Variants in GRID2 observed in about 807,000 individuals in gnomAD.
GRID2 encodes glutamate receptor ionotropic, delta-2.
A neutral mutation model predicts 114.8 loss-of-function variants in GRID2; 33 were observed. The observed-to-expected ratio is 0.29, with a 90% confidence interval of 0.22 to 0.38. The LOEUF (loss-of-function observed/expected upper bound fraction) is 0.38. Among genes scored for constraint, GRID2 ranks in the 10% least tolerant of loss-of-function variants. The pLI, the probability that GRID2 is intolerant of heterozygous loss-of-function variation, is 1.00. For missense variants in GRID2, 1,184 were observed against 1,257.7 expected, an observed-to-expected ratio of 0.94 and a Z score of 0.89; for synonymous variants, 505 against 449.9, an observed-to-expected ratio of 1.12 and a Z score of -1.55.
chr4:92,931,558 G>GT (rs1750237248), intron 2 of GRID2, among the ~76,000 whole-genome samples: 1 of 150,370 alleles, frequency 6.7e-6, no homozygotes, highest in Non-Finnish European at 1.5e-5. Context: ...TGCAGATTAC[G>GT]TAAGTGTGTT....
intron 2 of GRID2, among the ~76,000 whole-genome samples, chr4:92,809,722 T>G (rs1358543695): frequency 6.6e-6 from 1 of 152,080 alleles, no homozygotes; most frequent in Admixed American, 6.6e-5. Context: ...AATTACATTA[T>G]GCTGTTATTT....
At chr4:93,790,316 G>T (rs947534147) in intron 1 of GRID2, among the ~76,000 whole-genome samples, 1 of 152,028 alleles carries the variant, frequency 6.6e-6, no homozygotes, top group Non-Finnish European at 1.5e-5. Context: ...TTTAGGACAC[G>T]TTACAATAAA....
intron 13 of GRID2, among the ~76,000 whole-genome samples, chr4:93,607,766 C>T (rs1740406819): frequency 6.6e-6 from 1 of 152,066 alleles, no homozygotes; most frequent in Non-Finnish European, 1.5e-5. Context: ...GTACTCACCA[C>T]TAATGAGTTT....
chr4:93,638,056 A>T (rs1560850381), intron 14 of GRID2, among the ~76,000 whole-genome samples: 1 of 152,154 alleles, frequency 6.6e-6, no homozygotes, highest in Non-Finnish European at 1.5e-5. Flanking sequence ...AGCCCAGGTA[A>T]GTCTAACATA....
At chr4:93,237,971 G>A (rs1746996650) in intron 7 of GRID2, among the ~76,000 whole-genome samples, 1 of 151,824 alleles carries the variant, frequency 6.6e-6, no homozygotes, top group Admixed American at 6.6e-5. Flanking sequence ...GAACAAAGAA[G>A]ATTGTTGAAA....
intron 14 of GRID2, among the ~76,000 whole-genome samples, chr4:93,645,607 C>T (rs1722037521): frequency 6.6e-6 from 1 of 152,108 alleles, no homozygotes; most frequent in Admixed American, 6.6e-5. Flanking sequence ...AATCTCTTAG[C>T]ACATCATGTT....
chr4:92,712,449 G>A (rs1051357410), intron 2 of GRID2, among the ~76,000 whole-genome samples: 1 of 152,032 alleles, frequency 6.6e-6, no homozygotes, highest in Non-Finnish European at 1.5e-5. Flanking sequence ...ACCAGTTGAT[G>A]CCATAGCAAC....
At chr4:92,340,776 G>A (rs1020274049) in intron 1 of GRID2, among the ~76,000 whole-genome samples, 2 of 152,064 alleles carry the variant, frequency 1.3e-5, no homozygotes, top group Non-Finnish European at 2.9e-5. Context: ...TTTATTATCA[G>A]CCTATTAAAA....
intron 9 of GRID2, among the ~76,000 whole-genome samples, chr4:93,411,634 A>G (rs1357769160): frequency 6.6e-6 from 1 of 151,932 alleles, no homozygotes; most frequent in Non-Finnish European, 1.5e-5. Context: ...GAGTTTCACT[A>G]TGTTGTCCAG....
intron 2 of GRID2, among the ~76,000 whole-genome samples, chr4:92,970,222 A>T (rs751512761): frequency 1.3e-5 from 2 of 151,896 alleles, no homozygotes; most frequent in Non-Finnish European, 2.9e-5. Context: ...CAATATTATG[A>T]GTCATTTAAC....
chr4:92,920,191 A>G lies in GRID2; in HGVS notation c.245-164804A>G, dbSNP rs571576613. Among the ~76,000 whole-genome samples the G allele has an allele frequency of 3.8e-4, 57 of 151,566 alleles. No individual in the cohort carries two copies. In the South Asian group the frequency reaches 4.2e-3, roughly 11 times the overall value. On this transcript the variant is annotated intron_variant, in intron 2 of 15. Coordinates refer to ENST00000282020, the MANE Select transcript of GRID2 (RefSeq NM_001510.4). ...CAACCCTTGCCTTTTTTTGTTTTCC[A>G]TTTGCTTGGTAGATCTTCCTCCATC...
chr4:93,110,962 A>C lies in GRID2; in HGVS notation c.735+9A>C. On this transcript the variant is annotated intron_variant, in intron 4 of 15. Transcript: ENST00000282020. ...AATCCTTCATTACTGAGGTAAGTGA[A>C]AATTGTCTTGGGGTGAGAGTTGTAC... 1 of 1,571,746 alleles carries C rather than the reference A, an allele frequency of 6.4e-7. No individual in the cohort carries two copies. The highest frequency in any genetic ancestry group is 1.1e-5 in the South Asian group (1 of 90,242).
chr4:93,508,284 G>A (rs140650513), intron 12 of GRID2, among the ~76,000 whole-genome samples: 28 of 149,684 alleles, frequency 1.9e-4, no homozygotes, highest in Admixed American at 1.3e-3. Flanking sequence ...TGCAACCTCT[G>A]CCTCCGGGTT....
At chr4:92,860,099 CT>C (rs199618979) in intron 2 of GRID2, among the ~76,000 whole-genome samples, 2 of 151,230 alleles carry the variant, frequency 1.3e-5, no homozygotes, top group African/African-American at 4.9e-5. Context: ...AAAGAATTGT[CT>C]TTTTTTTTCT....
intron 1 of GRID2, among the ~76,000 whole-genome samples, chr4:92,360,548 A>G (rs1728566524): frequency 6.6e-6 from 1 of 152,070 alleles, no homozygotes; most frequent in African/African-American, 2.4e-5. Context: ...GAACACCTGC[A>G]TGCATATCAA....
At chr4:93,332,289 T>TGAGA (rs1242670317) in intron 8 of GRID2, among the ~76,000 whole-genome samples, 89 of 110,764 alleles carry the variant, frequency 8.0e-4, no homozygotes, top group African/African-American at 4.3e-3. Context: ...TGTGTGTGTG[T>TGAGA]GTGTGTGTGT....
At chr4:93,535,233 C>T (rs1385571859) in intron 13 of GRID2, among the ~76,000 whole-genome samples, 1 of 17,826 alleles carries the variant, frequency 5.6e-5, no homozygotes, top group Non-Finnish European at 8.4e-5. Flanking sequence ...CATACACATA[C>T]ACACACACAC....
In GRID2 at chr4:92,859,447, A is replaced by T. The variant is rs985992593; in HGVS notation, c.245-225548A>T. 3.3e-5 allele frequency among the ~76,000 whole-genome samples: 5 copies of T among 152,258 alleles called. 1 individual carries two copies. In the Middle Eastern group the frequency reaches 0.01, roughly 311 times the overall value. ...CTTTATAGCTATATTTTGGAATTCA[A>T]TCCAGAATATCTTTGAGGTCTGACC... On this transcript the variant is annotated intron_variant, in intron 2 of 15. Transcript: ENST00000282020.
intron 2 of GRID2, among the ~76,000 whole-genome samples, chr4:92,678,849 T>C (rs1177866342): frequency 6.6e-6 from 1 of 152,048 alleles, no homozygotes. Context: ...TGTGTATTTC[T>C]ATTGGCATAT....
Sources: allele counts gnomAD v4.1 joint callset (sites outside exome capture counted in the v4.1 genomes callset), GRCh38; gene constraint gnomAD v4.1.1; transcripts MANE v1.5; gene names NCBI Gene and HGNC (gene_info 2026-07-23, HGNC 2026-07-21).